Variants in GNAL observed in about 807,000 individuals in gnomAD.
The protein encoded by GNAL is G protein subunit alpha L.
A neutral mutation model predicts 55.1 loss-of-function variants in GNAL; 18 were observed. That is an observed-to-expected ratio of 0.33 (90% CI 0.23 to 0.48). The LOEUF (loss-of-function observed/expected upper bound fraction) is 0.48. Among genes scored for constraint, GNAL ranks in the 20% least tolerant of loss-of-function variants. The probability of loss-of-function intolerance (pLI) is 0.99; values close to 1 mark genes in which losing one functional copy is unlikely to be tolerated. For synonymous variants in GNAL, 253 were observed against 237.0 expected (o/e 1.07, Z -0.62); for missense variants, 412 against 614.1 (o/e 0.67, Z 3.48).
intron 4 of GNAL, among the ~76,000 whole-genome samples, chr18:11,765,380 C>G (rs2143217529): frequency 6.6e-6 from 1 of 152,252 alleles, no homozygotes; most frequent in East Asian, 1.9e-4. Flanking sequence ...ATTGGAATAT[C>G]CGTCACCTCA....
At chr18:11,797,593 A>G (rs762707425) in intron 4 of GNAL, among the ~76,000 whole-genome samples, 4 of 152,020 alleles carry the variant, frequency 2.6e-5, no homozygotes, top group Non-Finnish European at 5.9e-5. Context: ...AAAATACACA[A>G]ATTAGCTGGG....
intron 1 of GNAL, among the ~76,000 whole-genome samples, chr18:11,733,655 A>G (rs1253205025): frequency 6.6e-6 from 1 of 152,222 alleles, no homozygotes; most frequent in African/African-American, 2.4e-5. Flanking sequence ...GAAATAACTC[A>G]GAAATAGAAG....
intron 1 of GNAL, among the ~76,000 whole-genome samples, chr18:11,718,767 G>T (rs927102016): frequency 2.0e-5 from 3 of 152,126 alleles, no homozygotes; most frequent in Non-Finnish European, 4.4e-5. Flanking sequence ...GAACTGCACT[G>T]TACTAAGATG....
chr18:11,815,540 TAA>T (rs1484730009), intron 4 of GNAL, among the ~76,000 whole-genome samples: 2 of 152,122 alleles, frequency 1.3e-5, no homozygotes, highest in Non-Finnish European at 2.9e-5. Flanking sequence ...TCACGAGCAC[TAA>T]GTCACCGAGG....
At chr18:11,847,398 C>CTT (rs767585830) in intron 5 of GNAL, among the ~76,000 whole-genome samples, 2 of 142,356 alleles carry the variant, frequency 1.4e-5, no homozygotes, top group East Asian at 2.0e-4. Context: ...CTTTTATTTT[C>CTT]TTTTTTTTTT....
intron 4 of GNAL, among the ~76,000 whole-genome samples, chr18:11,772,075 T>A (rs2033653289): frequency 6.6e-6 from 1 of 152,152 alleles, no homozygotes; most frequent in Non-Finnish European, 1.5e-5. Flanking sequence ...ATACAAATCA[T>A]TTCAAGAGCA....
chr18:11,881,003 C>T lies in GNAL; in HGVS notation c.1245C>T (p.Ala415=), dbSNP rs41289504. The change falls in exon 12 of 12, where the codon GCC becomes GCT. Residue 415 remains alanine, a synonymous_variant. Transcript: ENST00000334049. This position sits in a 1 kb window ranked among gnomAD's most constrained non-coding sequence, Gnocchi z 4.8. ...IRDLFLRIST[A]TGDGKHYCYP... ...CTCTCTTGCAGAGGATCAGCACGGCCACCGGTGACGGCAAACATTACTGCT... is the reference window on the plus strand; with the variant it reads ...CTCTCTTGCAGAGGATCAGCACGGCTACCGGTGACGGCAAACATTACTGCT... 20,495 of 1,614,020 alleles carry T rather than the reference C, an allele frequency of 0.013. 150 individuals carry two copies. The highest frequency in any genetic ancestry group is 0.015 in the Non-Finnish European group (18,225 of 1,179,928).
chr18:11,711,299 C>T (rs2031833757), intron 1 of GNAL, among the ~76,000 whole-genome samples: 1 of 152,106 alleles, frequency 6.6e-6, no homozygotes, highest in South Asian at 2.1e-4. Context: ...AGCTTTCTTC[C>T]TCAGTTTCTT....
In GNAL at chr18:11,769,012, ATTC is replaced by A. The variant is rs1401864644; in HGVS notation, c.624+15069_624+15071del. Among the ~76,000 whole-genome samples the A allele has an allele frequency of 3.8e-5, 4 of 105,814 alleles. 1 individual carries two copies. Among genetic ancestry groups the A allele is most frequent in the African/African-American group, 1.4e-4 (3 of 21,098 alleles). The allele number at this position is 105,814 out of a possible 152,430, so 69.4% of individuals were successfully genotyped here. On this transcript the variant is annotated intron_variant, in intron 4 of 11. Coordinates refer to ENST00000334049, the MANE Select transcript of GNAL (RefSeq NM_182978.4). ...CTATATTATAATATAGAATATATAT[ATTC>A]TATATTATAATATATTATATATAAT...
intron 1 of GNAL, among the ~76,000 whole-genome samples, chr18:11,708,805 T>C (rs1048965564): frequency 1.3e-5 from 2 of 152,232 alleles, no homozygotes; most frequent in Non-Finnish European, 2.9e-5. Flanking sequence ...CTCAGTTTGA[T>C]GTCATCTCAC....
In GNAL at chr18:11,807,000, A is replaced by C. The variant is rs537800633; in HGVS notation, c.625-17918A>C. 1.4e-4 allele frequency among the ~76,000 whole-genome samples: 22 copies of C among 152,202 alleles called. No individual in the cohort carries two copies. The South Asian group carries it at 2.5e-3, about 17-fold the overall frequency. On this transcript the variant is annotated intron_variant, in intron 4 of 11. Coordinates refer to ENST00000334049, the MANE Select transcript of GNAL (RefSeq NM_182978.4). Reference sequence around the variant, plus strand: ...ATGGTGAAACCCCGTCTCTACTAAAAATACAAAAATTAGCCGGGCATGGTG... The same window carrying C: ...ATGGTGAAACCCCGTCTCTACTAAACATACAAAAATTAGCCGGGCATGGTG...
intron 5 of GNAL, chr18:11,857,294 TG>T (rs1278125694): frequency 6.4e-6 from 1 of 155,558 alleles, no homozygotes; most frequent in African/African-American, 2.4e-5. Context: ...TATTGTGCTG[TG>T]TCATGGCAGT....
chr18:11,828,639 C>T (rs2035307536), intron 5 of GNAL, among the ~76,000 whole-genome samples: 1 of 149,414 alleles, frequency 6.7e-6, no homozygotes, highest in Non-Finnish European at 1.5e-5. Context: ...TGCTCAATGC[C>T]ACATTAGAAA....
chr18:11,816,942 A>G (rs1056531664), intron 4 of GNAL, among the ~76,000 whole-genome samples: 12 of 152,194 alleles, frequency 7.9e-5, no homozygotes, highest in African/African-American at 2.9e-4. Flanking sequence ...GTTTCTAGAA[A>G]AGGCAAAACT....
intron 4 of GNAL, among the ~76,000 whole-genome samples, chr18:11,818,447 T>A (rs1295884675): frequency 1.3e-5 from 2 of 152,238 alleles, no homozygotes; most frequent in African/African-American, 2.4e-5. Flanking sequence ...AACTGCCTGT[T>A]TCTAAGGCTC....
intron 4 of GNAL, among the ~76,000 whole-genome samples, chr18:11,771,340 T>G (rs1413237748): frequency 6.6e-6 from 1 of 152,204 alleles, no homozygotes; most frequent in Non-Finnish European, 1.5e-5. Flanking sequence ...GAAGTTAATG[T>G]TAATGTTAAC....
chr18:11,816,639 C>A (rs1568040122), intron 4 of GNAL, among the ~76,000 whole-genome samples: 1 of 151,790 alleles, frequency 6.6e-6, no homozygotes, highest in Admixed American at 6.6e-5. Context: ...CACGGTGAAA[C>A]CCTGTCTCTA....
intron 5 of GNAL, among the ~76,000 whole-genome samples, chr18:11,861,991 A>ACAG (rs1567898496): frequency 1.8e-5 from 1 of 55,752 alleles, no homozygotes; most frequent in African/African-American, 4.2e-5. Flanking sequence ...CACACACACA[A>ACAG]CATCTGGATT....
chr18:11,766,076 C>T (rs2033397309), intron 4 of GNAL, among the ~76,000 whole-genome samples: 1 of 152,122 alleles, frequency 6.6e-6, no homozygotes, highest in Non-Finnish European at 1.5e-5. Context: ...AGGAGCAGAG[C>T]GAGGAGGCTA....
Sources: allele counts gnomAD v4.1 joint callset (sites outside exome capture counted in the v4.1 genomes callset), GRCh38; gene constraint gnomAD v4.1.1; non-coding constraint Gnocchi (gnomAD v3.1); transcripts MANE v1.5; gene names NCBI Gene and HGNC (gene_info 2026-07-23, HGNC 2026-07-21).